Variants in ROBO2 observed in about 807,000 individuals in gnomAD.
ROBO2 encodes the protein roundabout guidance receptor 2, also known as roundabout homolog 2.
A neutral mutation model predicts 160.8 loss-of-function variants in ROBO2; 53 were observed. The ratio of observed to expected loss-of-function variants is 0.33; its 90% CI spans 0.26 to 0.41. ROBO2 has a LOEUF of 0.41. Among genes scored for constraint, ROBO2 ranks in the 10% least tolerant of loss-of-function variants. The probability of loss-of-function intolerance (pLI) is 1.00; values close to 1 mark genes in which losing one functional copy is unlikely to be tolerated. For missense variants in ROBO2, 1,577 were observed against 1,722.4 expected (o/e 0.92, Z 1.49); for synonymous variants, 664 against 611.7 (o/e 1.09, Z -1.26).
At chr3:77,625,796 TAAG>T (rs1318616580) in intron 23 of ROBO2, among the ~76,000 whole-genome samples, 7 of 152,132 alleles carry the variant, frequency 4.6e-5, no homozygotes, top group Non-Finnish European at 1.0e-4. Context: ...AAACAAAAAC[TAAG>T]AAGAATGTAT....
chr3:77,465,547 A>G (rs1582179300), intron 2 of ROBO2, among the ~76,000 whole-genome samples: 1 of 152,150 alleles, frequency 6.6e-6, no homozygotes, highest in South Asian at 2.1e-4. Flanking sequence ...CACATACTCT[A>G]TGGATGGTCA....
chr3:76,905,490 T>A (rs1265303810), intron 2 of ROBO2, among the ~76,000 whole-genome samples: 1 of 152,170 alleles, frequency 6.6e-6, no homozygotes, highest in Non-Finnish European at 1.5e-5. Context: ...TTTGTTCCCA[T>A]TAGTCCAAAT....
chr3:77,580,459 T>C lies in ROBO2; in HGVS notation c.2500+341T>C, dbSNP rs145757089. Among the ~76,000 whole-genome samples the C allele has an allele frequency of 4.9e-3, 744 of 152,286 alleles. 5 individuals carry two copies. Among genetic ancestry groups the C allele is most frequent in the Non-Finnish European group, 7.2e-3 (493 of 68,016 alleles). On this transcript the variant is annotated intron_variant, in intron 16 of 25. Coordinates refer to ENST00000461745, the Ensembl canonical transcript of ROBO2. ...TAGTTACTGAAGAGAGACCATCATG[T>C]TTCAAATCTGTATGCTTCCTCTTAG...
chr3:76,666,924 G>A (rs989792962), intron 2 of ROBO2, among the ~76,000 whole-genome samples: 3 of 151,028 alleles, frequency 2.0e-5, no homozygotes, highest in Non-Finnish European at 4.4e-5. Flanking sequence ...TTTCTTCTCT[G>A]ATAATATTTC....
exon 4 of ROBO2, chr3:77,481,106 G>T (rs1436164033): frequency 6.2e-7 from 1 of 1,612,010 alleles, no homozygotes; most frequent in African/African-American, 1.3e-5. Flanking sequence ...CAGATCCGTG[G>T]TGGAAAACTG....
At chr3:77,235,153 A>G (rs1309213072) in intron 2 of ROBO2, among the ~76,000 whole-genome samples, 1 of 152,198 alleles carries the variant, frequency 6.6e-6, no homozygotes, top group Non-Finnish European at 1.5e-5. Flanking sequence ...TTTGTAATCT[A>G]TGGTGATAAA....
chr3:76,911,302 G>C (rs1048674102), intron 2 of ROBO2, among the ~76,000 whole-genome samples: 1 of 152,090 alleles, frequency 6.6e-6, no homozygotes, highest in Non-Finnish European at 1.5e-5. Context: ...TGATTTATTT[G>C]AGTTTCTGAG....
chr3:77,166,125 G>C (rs550554531), intron 2 of ROBO2, among the ~76,000 whole-genome samples: 1 of 152,062 alleles, frequency 6.6e-6, no homozygotes, highest in Non-Finnish European at 1.5e-5. Flanking sequence ...AGATGTGGTG[G>C]CATGTGCCCG....
chr3:76,151,256 G>T (rs1270529408), intron 2 of ROBO2, among the ~76,000 whole-genome samples: 1 of 151,918 alleles, frequency 6.6e-6, no homozygotes, highest in African/African-American at 2.4e-5. Flanking sequence ...TTCCTATAAT[G>T]CTCATATGGA....
chr3:76,040,927 T>G (rs2067254322), intron 2 of ROBO2, among the ~76,000 whole-genome samples: 1 of 151,910 alleles, frequency 6.6e-6, no homozygotes, highest in African/African-American at 2.4e-5. Flanking sequence ...AGGGGGAGGT[T>G]GCAGTGAGCT....
chr3:77,013,842 T>C (rs1199508394), intron 2 of ROBO2, among the ~76,000 whole-genome samples: 1 of 152,250 alleles, frequency 6.6e-6, no homozygotes, highest in Non-Finnish European at 1.5e-5. Context: ...AACGTGCATT[T>C]AGTATTTTGA....
chr3:77,165,326 T>A (rs2078973214), intron 2 of ROBO2, among the ~76,000 whole-genome samples: 1 of 148,478 alleles, frequency 6.7e-6, no homozygotes, highest in Admixed American at 6.8e-5. Flanking sequence ...TTAAGGGTGG[T>A]GCAAGATGTG....
At chr3:76,182,203 C>T (rs1297479027) in intron 2 of ROBO2, among the ~76,000 whole-genome samples, 2 of 152,098 alleles carry the variant, frequency 1.3e-5, no homozygotes, top group Non-Finnish European at 1.5e-5. Context: ...AACCAGTTTA[C>T]ATTGGCCTTT....
chr3:76,359,041 C>T lies in ROBO2; in HGVS notation c.109+421439C>T, dbSNP rs1441657671. Among the ~76,000 whole-genome samples the T allele has an allele frequency of 4.7e-5, 7 of 149,956 alleles. No individual in the cohort carries two copies. In the South Asian group the frequency reaches 6.4e-4, roughly 14 times the overall value. ...CGCGGTGTTTGGTTTTTTGTCCTTG[C>T]GATAGTTTACTGAGAATGATTATTT... On this transcript the variant is annotated intron_variant, in intron 2 of 26. Transcript: ENST00000487694.
At chr3:76,758,935 G>A (rs947276632) in intron 2 of ROBO2, among the ~76,000 whole-genome samples, 1 of 151,774 alleles carries the variant, frequency 6.6e-6, no homozygotes, top group Non-Finnish European at 1.5e-5. Flanking sequence ...ATGAAATTTT[G>A]TCCTAAATTT....
chr3:76,318,426 C>T (rs1361318073), intron 2 of ROBO2, among the ~76,000 whole-genome samples: 1 of 152,036 alleles, frequency 6.6e-6, no homozygotes, highest in African/African-American at 2.4e-5. Flanking sequence ...TCAGCCCCCA[C>T]CCTCTCCTCC....
chr3:75,948,430 T>A (rs1948405755), intron 2 of ROBO2, among the ~76,000 whole-genome samples: 2 of 152,134 alleles, frequency 1.3e-5, no homozygotes, highest in South Asian at 4.1e-4. Flanking sequence ...ATTTTTTTAT[T>A]GCTTCATTAT....
intron 2 of ROBO2, among the ~76,000 whole-genome samples, chr3:76,121,750 C>G (rs747860687): frequency 9.9e-5 from 15 of 152,254 alleles, no homozygotes; most frequent in Middle Eastern, 3.4e-3. Flanking sequence ...AGCCATACTT[C>G]GCTCTGTGAT....
At chr3:77,644,830 A>C (rs2095395488) in exon 25 of ROBO2, 1 of 1,614,166 alleles carries the variant, frequency 6.2e-7, no homozygotes, top group South Asian at 1.1e-5. Flanking sequence ...GCAGGCCACC[A>C]GCGCAATGCC....
Sources: gnomAD v4.1 joint callset for allele counts (sites outside exome capture counted in the v4.1 genomes callset) on GRCh38, gnomAD v4.1.1 for gene constraint, MANE v1.5 for transcripts, NCBI Gene and HGNC (gene_info 2026-07-23, HGNC 2026-07-21) for gene names.